The following SERPINB8 variants were observed in gnomAD, a reference collection of about 807,000 sequenced individuals.
SERPINB8 encodes the protein serpin family B member 8, also known as serpin B8.
In SERPINB8, 25 loss-of-function variants were observed where a neutral mutation model predicts 35.3. The observed-to-expected ratio is 0.71, with a 90% CI of 0.52 to 0.99. The LOEUF (loss-of-function observed/expected upper bound fraction) is 0.99. SERPINB8 is among the 50% of genes least tolerant of loss of function. The pLI, the probability that SERPINB8 is intolerant of heterozygous loss-of-function variation, is 0.00. For missense variants in SERPINB8, 484 were observed against 446.5 expected (o/e 1.08, Z -0.76); for synonymous variants, 186 against 160.8 (o/e 1.16, Z -1.19).
intron 7 of SERPINB8, among the ~76,000 whole-genome samples, chr18:64,012,909 G>T (rs765257980): frequency 4.6e-5 from 7 of 152,070 alleles, no homozygotes; most frequent in African/African-American, 1.4e-4. Flanking sequence ...TGCATGTTGC[G>T]CAGGCAAAGA....
intron 2 of SERPINB8, 107 bp downstream of exon 2, chr18:63,978,583 TAGA>T: frequency 1.5e-6 from 2 of 1,323,012 alleles, no homozygotes; most frequent in East Asian, 4.6e-5. Flanking sequence ...GAGCTGGAGG[TAGA>T]AGGAGGAGCA....
At chr18:63,971,535 C>A (rs1456075368) in intron 1 of SERPINB8, among the ~76,000 whole-genome samples, 1 of 152,186 alleles carries the variant, frequency 6.6e-6, no homozygotes, top group Non-Finnish European at 1.5e-5. Context: ...AACAGCTAGG[C>A]GCCTCGGGAC....
At chr18:64,003,745 C>T (rs1270739018) in intron 1 of SERPINB8, among the ~76,000 whole-genome samples, 3 of 152,070 alleles carry the variant, frequency 2.0e-5, no homozygotes, top group Non-Finnish European at 2.9e-5. Flanking sequence ...GCTCCAATTC[C>T]AGTGTCAGGC....
chr18:64,011,603 C>T (rs945770639), intron 7 of SERPINB8, among the ~76,000 whole-genome samples: 1 of 151,962 alleles, frequency 6.6e-6, no homozygotes, highest in African/African-American at 2.4e-5. Context: ...TTGTTGTCAC[C>T]GCAAGTTCAT....
intron 3 of SERPINB8, among the ~76,000 whole-genome samples, chr18:63,981,236 C>G (rs1259859719): frequency 6.6e-6 from 1 of 152,222 alleles, no homozygotes; most frequent in Non-Finnish European, 1.5e-5. Flanking sequence ...AACCATATGA[C>G]CCAGATCTAA....
At chr18:64,002,650 G>A (rs1054727911) in intron 1 of SERPINB8, among the ~76,000 whole-genome samples, 7 of 152,088 alleles carry the variant, frequency 4.6e-5, no homozygotes, top group African/African-American at 1.7e-4. Context: ...GGGCCCTCGC[G>A]TGCGGTCACC....
chr18:63,975,371 C>T (rs2050565454), intron 1 of SERPINB8, among the ~76,000 whole-genome samples: 1 of 152,122 alleles, frequency 6.6e-6, no homozygotes, highest in Non-Finnish European at 1.5e-5. Flanking sequence ...TTGTGGAGGA[C>T]CCCGGGACTT....
intron 1 of SERPINB8, among the ~76,000 whole-genome samples, chr18:63,999,409 T>C (rs1380476934): frequency 1.3e-5 from 2 of 152,158 alleles, no homozygotes; most frequent in Non-Finnish European, 2.9e-5. Context: ...AGGAACGAAA[T>C]GACTTCCTAG....
At position 63,988,380 on chromosome 18, in the gene SERPINB8, G is replaced by A. The variant is rs2050793815; in HGVS notation, c.*1102G>A. 1 of 152,024 alleles carries A rather than the reference G, an allele frequency of 6.6e-6. No homozygotes were observed. Among genetic ancestry groups the A allele is most frequent in the Admixed American group, 6.6e-5 (1 of 15,262 alleles). The allele number at this position is 152,024 out of a possible 1,614,324, so 9.4% of individuals were successfully genotyped here. The stretch of plus-strand genomic sequence containing the variant: ...TTGAATCTAATTTTAGACAGTTTGA[G>A]TAATTAAAATTATTTCTATTAACAA... On this transcript the variant is annotated 3_prime_UTR_variant, in exon 7 of 7. Coordinates refer to ENST00000397985, the MANE Select transcript of SERPINB8 (RefSeq NM_002640.4).
In SERPINB8 at chr18:63,979,765, G is replaced by T. The variant is rs747894635; in HGVS notation, c.169-36G>T. ...GAAAGCTCTTTGGGAGAGTATAATG[G>T]CAGCGTTAAAAGTCAGTGTTGGTTT... On this transcript the variant is annotated intron_variant, in intron 2 of 6. Coordinates refer to ENST00000397985, the MANE Select transcript of SERPINB8 (RefSeq NM_002640.4). The T allele has an allele frequency of 5.6e-6, 9 of 1,612,492 alleles. No homozygotes were observed. In the South Asian group the frequency reaches 9.9e-5, roughly 18 times the overall value.
At chr18:63,979,780 A>C (rs746955727) in intron 2 of SERPINB8, 21 bp from the exon 3 acceptor site, 1 of 1,613,596 alleles carries the variant, frequency 6.2e-7, no homozygotes, top group Non-Finnish European at 8.5e-7. Flanking sequence ...GTTAAAAGTC[A>C]GTGTTGGTTT....
intron 1 of SERPINB8, among the ~76,000 whole-genome samples, chr18:63,999,529 T>A (rs1382634814): frequency 6.6e-6 from 1 of 152,058 alleles, no homozygotes; most frequent in Non-Finnish European, 1.5e-5. Flanking sequence ...CCTCCACTTG[T>A]CCCCTCCTTG....
chr18:64,011,679 C>T (rs747655275), intron 7 of SERPINB8, among the ~76,000 whole-genome samples: 2 of 152,032 alleles, frequency 1.3e-5, no homozygotes, highest in African/African-American at 2.4e-5. Flanking sequence ...TATTTGAAGT[C>T]GAAAATTTAT....
chr18:63,991,436 G>A (rs2050824518), downstream of SERPINB8, among the ~76,000 whole-genome samples: 1 of 152,152 alleles, frequency 6.6e-6, no homozygotes, highest in African/African-American at 2.4e-5. Context: ...CACAAATTTT[G>A]TCAGATTTAT....
chr18:63,976,593 A>G (rs1042989382), intron 1 of SERPINB8, among the ~76,000 whole-genome samples: 5 of 152,246 alleles, frequency 3.3e-5, no homozygotes, highest in African/African-American at 9.6e-5. Context: ...AGAATTTACA[A>G]TGACAAGTTC....
At chr18:64,010,552 G>A (rs1021436045), downstream of SERPINB8, among the ~76,000 whole-genome samples, 1 of 152,062 alleles carries the variant, frequency 6.6e-6, no homozygotes, top group East Asian at 1.9e-4. Context: ...GTTCTGGTGC[G>A]CTGTTCCCAT....
chr18:64,002,637 G>T (rs1307274929), intron 1 of SERPINB8, among the ~76,000 whole-genome samples: 1 of 151,986 alleles, frequency 6.6e-6, no homozygotes, highest in African/African-American at 2.4e-5. Flanking sequence ...TGGGTCCCCC[G>T]CGGGGCCCTC....
chr18:63,992,378 A>G (rs1325486473), downstream of SERPINB8, among the ~76,000 whole-genome samples: 1 of 152,218 alleles, frequency 6.6e-6, no homozygotes, highest in Non-Finnish European at 1.5e-5. Flanking sequence ...CTAGTCATCA[A>G]ATTTACTGTT....
chr18:64,010,664 G>A (rs1341385758), downstream of SERPINB8, among the ~76,000 whole-genome samples: 1 of 151,972 alleles, frequency 6.6e-6, no homozygotes, highest in Non-Finnish European at 1.5e-5. Context: ...ATTAATAACA[G>A]CTACCAACAC....
Sources: gnomAD v4.1 joint callset for allele counts (sites outside exome capture counted in the v4.1 genomes callset) on GRCh38, gnomAD v4.1.1 for gene constraint, MANE v1.5 for transcripts, NCBI Gene and HGNC (gene_info 2026-07-23, HGNC 2026-07-21) for gene names.